Variants in PCDHA4 observed in about 807,000 individuals in gnomAD.
PCDHA4 encodes the protein protocadherin alpha-4.
PCDHA4 carries 49 observed loss-of-function variants against 61.4 expected under a neutral mutation model. That is an observed-to-expected ratio of 0.80 (90% CI 0.63 to 1.01). PCDHA4 has a LOEUF of 1.01. Ranked by LOEUF, PCDHA4 falls within the 50% of genes least tolerant of loss-of-function variation. PCDHA4 has a pLI of 0.00. For missense variants in PCDHA4, 1,254 were observed against 1,235.8 expected (o/e 1.01, Z -0.22); for synonymous variants, 590 against 550.3 (o/e 1.07, Z -1.01).
At chr5:140,951,737 C>T (rs1223539805) in intron 1 of PCDHA4, among the ~76,000 whole-genome samples, 1 of 152,130 alleles carries the variant, frequency 6.6e-6, no homozygotes, top group Non-Finnish European at 1.5e-5. Context: ...CATTCTGCCA[C>T]TGCCCTCACC....
chr5:140,911,971 C>G (rs1041878022), intron 1 of PCDHA4, among the ~76,000 whole-genome samples: 5 of 152,266 alleles, frequency 3.3e-5, no homozygotes, highest in African/African-American at 1.2e-4. Flanking sequence ...GGAGTATTAA[C>G]TCACATGATC....
Position 140,848,523 on chromosome 5 carries a change from G to T in PCDHA4, c.2385+38951G>T, listed in dbSNP as rs1314273290. 2.8e-5 allele frequency: 45 copies of T among 1,593,246 alleles called. 8 individuals are homozygous for T. The highest frequency in any genetic ancestry group is 3.6e-5 in the Non-Finnish European group (42 of 1,164,214). Reference sequence around the variant, plus strand: ...GTTATACTCAAGTCGAGGAGATCCAGAGGGTCAGCCTCTACTGCTCTCGCT... The same window carrying T: ...GTTATACTCAAGTCGAGGAGATCCATAGGGTCAGCCTCTACTGCTCTCGCT... On this transcript the variant is annotated intron_variant, in intron 1 of 3. Transcript: ENST00000530339.
chr5:140,830,932 C>T (rs2150190420), intron 1 of PCDHA4: 7 of 152,266 alleles, frequency 4.6e-5, no homozygotes, highest in African/African-American at 1.7e-4. Flanking sequence ...TTTCTGTCGA[C>T]ACTTTTATTA....
chr5:140,927,896 A>G (rs571131956), intron 1 of PCDHA4: 1 of 1,614,200 alleles, frequency 6.2e-7, no homozygotes, highest in African/African-American at 1.3e-5. Context: ...GACGTGAACG[A>G]TCATGCCCCC....
chr5:140,869,158 C>T (rs782164931), intron 1 of PCDHA4: 1 of 1,613,872 alleles, frequency 6.2e-7, no homozygotes, highest in East Asian at 2.2e-5. Context: ...GCTCTGGCTT[C>T]TCCTCCTCGA....
chr5:140,990,871 G>GT, intron 3 of PCDHA4, among the ~76,000 whole-genome samples: 1 of 152,284 alleles, frequency 6.6e-6, no homozygotes, highest in East Asian at 1.9e-4. Context: ...TATTTTAAGT[G>GT]TATGTTCCAG....
At position 140,877,676 on chromosome 5, in the gene PCDHA4, G is replaced by A. The variant is rs781985023; in HGVS notation, c.2385+68104G>A. ...CCCACCGTGAGCCGGTGCGCGCCGG[G>A]CAAGCCCACGCTGGTGTGCTCCAGC... On this transcript the variant is annotated intron_variant, in intron 1 of 3. Coordinates refer to ENST00000530339, the MANE Select transcript of PCDHA4 (RefSeq NM_018907.4). The A allele has an allele frequency of 8.7e-6, 14 of 1,613,488 alleles. No homozygotes were observed. The African/African-American group carries it at 1.2e-4, about 14-fold the overall frequency.
At chr5:140,846,108 T>C (rs1420527870) in intron 1 of PCDHA4, among the ~76,000 whole-genome samples, 1 of 149,756 alleles carries the variant, frequency 6.7e-6, no homozygotes, top group African/African-American at 2.4e-5. Context: ...ATGTGTAGAC[T>C]ATCTTACTTT....
intron 1 of PCDHA4, among the ~76,000 whole-genome samples, chr5:140,833,243 A>G (rs1356488600): frequency 6.6e-6 from 1 of 152,204 alleles, no homozygotes; most frequent in Non-Finnish European, 1.5e-5. Context: ...AGCTACTGCA[A>G]TACACCAGGA....
intron 1 of PCDHA4, chr5:140,859,420 C>A: frequency 4.3e-6 from 1 of 233,152 alleles, no homozygotes; most frequent in Non-Finnish European, 8.1e-6. Context: ...ATGATATAGA[C>A]TCAGAAATGA....
rs1205846373 is a variant in PCDHA4 at position 140,858,213 on chromosome 5, C to T, written c.2385+48641C>T. Reference sequence around the variant, plus strand: ...CTGCTGTACACTGCACTGAGGTGCTCGGCGGCGCCCACCGAGGGCGCATGT... The same window carrying T: ...CTGCTGTACACTGCACTGAGGTGCTTGGCGGCGCCCACCGAGGGCGCATGT... On this transcript the variant is annotated intron_variant, in intron 1 of 3. Coordinates refer to ENST00000530339, the MANE Select transcript of PCDHA4 (RefSeq NM_018907.4). 13 of 1,594,002 alleles carry T rather than the reference C, an allele frequency of 8.2e-6. 3 individuals are homozygous for T. Among genetic ancestry groups the T allele is most frequent in the Non-Finnish European group, 1.1e-5 (13 of 1,165,570 alleles).
intron 1 of PCDHA4, among the ~76,000 whole-genome samples, chr5:140,952,538 T>C (rs558395294): frequency 6.6e-6 from 1 of 152,256 alleles, no homozygotes; most frequent in South Asian, 2.1e-4. Flanking sequence ...AGACTGGACT[T>C]CTTTGTCCAT....
At chr5:140,839,307 C>A (rs1554137377) in intron 1 of PCDHA4, among the ~76,000 whole-genome samples, 1 of 151,838 alleles carries the variant, frequency 6.6e-6, no homozygotes, top group African/African-American at 2.4e-5. Flanking sequence ...TTTAAATATC[C>A]TATTTATATT....
chr5:140,863,639 A>C, intron 1 of PCDHA4: 2 of 305,014 alleles, frequency 6.6e-6, no homozygotes, highest in South Asian at 6.1e-5. Context: ...ATGTTCACCA[A>C]GTTATTAATT....
At chr5:140,878,098 A>C in intron 1 of PCDHA4, 1 of 278,310 alleles carries the variant, frequency 3.6e-6, no homozygotes, top group Non-Finnish European at 6.4e-6. Flanking sequence ...TGACTGATGA[A>C]CCTTGAAAAA....
chr5:140,858,167 A>G, intron 1 of PCDHA4: 2 of 1,597,724 alleles, frequency 1.3e-6, no homozygotes, highest in Non-Finnish European at 1.7e-6. Flanking sequence ...CGCGGTGTCC[A>G]GCTTGCTGGT....
At chr5:141,001,276 T>C (rs2098003991) in intron 3 of PCDHA4, among the ~76,000 whole-genome samples, 1 of 152,210 alleles carries the variant, frequency 6.6e-6, no homozygotes. Context: ...GAACTTTTTT[T>C]ACGGATGAAA....
Position 141,010,284 on chromosome 5 carries a change from A to G in PCDHA4, c.*347A>G. 6.4e-7 allele frequency: 1 copy of G among 1,551,156 alleles called. No homozygotes were observed. Among genetic ancestry groups the G allele is most frequent in the Non-Finnish European group, 8.7e-7 (1 of 1,146,860 alleles). On this transcript the variant is annotated 3_prime_UTR_variant, in exon 4 of 4. Coordinates refer to ENST00000530339, the MANE Select transcript of PCDHA4 (RefSeq NM_018907.4). ...GCTCCGGGGATCCTGTCTTGATGACACTTGCAGGGCAGGCTGAAAAGTTTT... is the reference window on the plus strand; with the variant it reads ...GCTCCGGGGATCCTGTCTTGATGACGCTTGCAGGGCAGGCTGAAAAGTTTT...
chr5:140,845,477 G>A (rs2150379213), intron 1 of PCDHA4, among the ~76,000 whole-genome samples: 4 of 149,604 alleles, frequency 2.7e-5, no homozygotes, highest in Non-Finnish European at 6.0e-5. Flanking sequence ...ATTTGGGGTT[G>A]TGCTTTCACA....
Sources: allele counts gnomAD v4.1 joint callset (sites outside exome capture counted in the v4.1 genomes callset), GRCh38; gene constraint gnomAD v4.1.1; transcripts MANE v1.5; gene names NCBI Gene and HGNC (gene_info 2026-07-23, HGNC 2026-07-21).